The following SLC15A2 variants were observed in gnomAD, a reference collection of about 807,000 sequenced individuals.
SLC15A2 encodes solute carrier family 15 member 2, also known as kidney H(+)/peptide cotransporter.
Under a neutral mutation model 95.5 loss-of-function variants are expected in SLC15A2, and 77 were observed. The observed-to-expected ratio is 0.81, with a 90% CI of 0.67 to 0.97. The LOEUF (loss-of-function observed/expected upper bound fraction) is 0.97. SLC15A2 is among the 50% of genes least tolerant of loss of function. SLC15A2 has a pLI of 0.00. For synonymous variants in SLC15A2, 306 were observed against 306.9 expected (o/e 1.00, Z 0.03); for missense variants, 893 against 874.4 (o/e 1.02, Z -0.27).
At chr3:121,905,510 A>C (rs1709618959) in intron 3 of SLC15A2, among the ~76,000 whole-genome samples, 1 of 152,058 alleles carries the variant, frequency 6.6e-6, no homozygotes, top group African/African-American at 2.4e-5. Flanking sequence ...CCCTCTACAC[A>C]CTGCTTTAAA....
chr3:121,923,414 A>G (rs1710048704), intron 11 of SLC15A2, 148 bp downstream of exon 11: 1 of 713,638 alleles, frequency 1.4e-6, no homozygotes, highest in Non-Finnish European at 2.3e-6. Flanking sequence ...AGGCAAAGAT[A>G]AAGAAAGCTA....
At chr3:121,900,471 A>C (rs1709500037) in intron 3 of SLC15A2, among the ~76,000 whole-genome samples, 1 of 152,152 alleles carries the variant, frequency 6.6e-6, no homozygotes, top group Non-Finnish European at 1.5e-5. Context: ...ATTTTCCTAA[A>C]AGAAATCCTG....
rs1710165061 is a variant in SLC15A2 at position 121,928,453 on chromosome 3, G to A, written c.1239G>A (p.Glu413=). Residue 413 remains glutamate, a synonymous_variant, in exon 15 of 22, where the codon GAG becomes GAA. Coordinates refer to ENST00000489711, the MANE Select transcript of SLC15A2 (RefSeq NM_021082.4). ...CCCCAGCCCAGCCAGGTCCCCAGGA[G>A]GTTTTCCTACAAGTCTTGAATCTGG... ...EMAPAQPGPQ[E]VFLQVLNLAD... The A allele has an allele frequency of 6.2e-7, 1 of 1,614,092 alleles. No individual in the cohort carries two copies. Among genetic ancestry groups the A allele is most frequent in the Non-Finnish European group, 8.5e-7 (1 of 1,179,958 alleles).
chr3:121,939,163 C>T (rs1031352263), intron 19 of SLC15A2, 186 bp from the exon 20 acceptor site: 27 of 407,312 alleles, frequency 6.6e-5, no homozygotes, highest in East Asian at 6.2e-4. Flanking sequence ...TGAATCTAGG[C>T]GAGTGAGCAT....
chr3:121,904,571 T>A (rs1478325226), intron 3 of SLC15A2, among the ~76,000 whole-genome samples: 3 of 152,140 alleles, frequency 2.0e-5, no homozygotes, highest in African/African-American at 7.2e-5. Context: ...GGGCTGTTGA[T>A]TTTTGTCGAA....
chr3:121,915,667 C>T lies in SLC15A2; in HGVS notation c.671C>T (p.Pro224Leu). Residue 224 changes from proline to leucine, a missense_variant, in exon 7 of 22, where the codon CCA becomes CTA. Physicochemically the swap from Pro to Leu is moderately conservative, Grantham distance 98. Coordinates refer to ENST00000489711, the MANE Select transcript of SLC15A2 (RefSeq NM_021082.4). ...TGCTATGCATTGGCTTTTGGAGTTC[C>T]AGGACTGCTCATGGTAATTGCACTT... ...EDCYALAFGV[P>L]GLLMVIALVV... 6.2e-7 allele frequency: 1 copy of T among 1,613,844 alleles called. No individual in the cohort carries two copies. The highest frequency in any genetic ancestry group is 8.5e-7 in the Non-Finnish European group (1 of 1,179,782).
At chr3:121,930,697 A>T (rs1184641215) in intron 17 of SLC15A2, 143 bp from the exon 18 acceptor site, 3 of 589,194 alleles carry the variant, frequency 5.1e-6, no homozygotes, top group Non-Finnish European at 9.2e-6. Context: ...AACAATATAC[A>T]TTAGGTACCT....
chr3:121,897,257 G>C, intron 2 of SLC15A2, 131 bp from the exon 3 acceptor site: 1 of 1,007,228 alleles, frequency 9.9e-7, no homozygotes, highest in Non-Finnish European at 1.5e-6. Context: ...TCTCAGTCAT[G>C]TCACTGATAG....
chr3:121,907,261 T>G (rs1278487311), intron 3 of SLC15A2, among the ~76,000 whole-genome samples: 3 of 152,250 alleles, frequency 2.0e-5, no homozygotes, highest in Admixed American at 6.5e-5. Flanking sequence ...TAATCTTTTT[T>G]CAAGGTTTTT....
chr3:121,911,160 GA>G (rs1576675568), intron 3 of SLC15A2, among the ~76,000 whole-genome samples: 1 of 152,276 alleles, frequency 6.6e-6, no homozygotes, highest in East Asian at 1.9e-4. Context: ...TATTCCTTGA[GA>G]AAAACACCTA....
intron 19 of SLC15A2, 64 bp from the exon 20 acceptor site, chr3:121,939,285 C>G: frequency 8.0e-7 from 1 of 1,247,182 alleles, no homozygotes; most frequent in Non-Finnish European, 1.1e-6. Context: ...TCGTAGAATG[C>G]TGTAGTTAGA....
intron 19 of SLC15A2, among the ~76,000 whole-genome samples, chr3:121,934,400 G>C (rs1201045735): frequency 1.3e-5 from 2 of 152,070 alleles, no homozygotes; most frequent in Non-Finnish European, 2.9e-5. Flanking sequence ...CATGAGCATG[G>C]AATGTTCTTC....
At chr3:121,905,347 C>A (rs188931128) in intron 3 of SLC15A2, among the ~76,000 whole-genome samples, 1 of 152,122 alleles carries the variant, frequency 6.6e-6, no homozygotes, top group African/African-American at 2.4e-5. Context: ...TCTCTATCTC[C>A]TTCAGTTCTG....
Position 121,940,495 on chromosome 3 carries a change from A to G in SLC15A2, c.2013+7A>G, listed in dbSNP as rs1710440216. ...GTTCAGTGGCCTGGTACAGGTATGG[A>G]TCTGAGGGAAGCAGGATTCATTTCT... On this transcript the variant is annotated splice_region_variant and intron_variant, in intron 21 of 21. Coordinates refer to ENST00000489711, the MANE Select transcript of SLC15A2 (RefSeq NM_021082.4). 7 of 1,602,022 alleles carry G rather than the reference A, an allele frequency of 4.4e-6. No homozygotes were observed. The highest frequency in any genetic ancestry group is 5.1e-6 in the Non-Finnish European group (6 of 1,169,390).
At chr3:121,903,159 A>G (rs959563872) in intron 3 of SLC15A2, among the ~76,000 whole-genome samples, 34 of 152,122 alleles carry the variant, frequency 2.2e-4, no homozygotes, top group African/African-American at 7.5e-4. Flanking sequence ...CTTCTTTTGA[A>G]AAGTGTCTGT....
intron 2 of SLC15A2, among the ~76,000 whole-genome samples, chr3:121,897,142 G>T (rs905068954): frequency 6.6e-6 from 1 of 151,518 alleles, no homozygotes; most frequent in South Asian, 2.1e-4. Context: ...GATGCTAGGG[G>T]TGCACATAGA....
At position 121,939,373 on chromosome 3, in the gene SLC15A2, T is replaced by C. The variant is rs868029766; in HGVS notation, c.1786T>C (p.Trp596Arg). 6.4e-7 allele frequency: 1 copy of C among 1,564,246 alleles called. No homozygotes were observed. ...GAACACCAATCAGGGTCTTCAGGCCTGGAAGATTGAAGACATTCCAGCCAA... is the reference window on the plus strand; with the variant it reads ...GAACACCAATCAGGGTCTTCAGGCCCGGAAGATTGAAGACATTCCAGCCAA... ...TNNTNQGLQA[W>R]KIEDIPANKM... is the part of the protein sequence containing the mutation. The change falls in exon 20 of 22, where the codon TGG becomes CGG. Residue 596 changes from tryptophan (W) to arginine (R), a missense_variant. By Grantham distance (101) the Trp-to-Arg change is moderately radical. Transcript: ENST00000489711.
intron 17 of SLC15A2, 54 bp downstream of exon 17, chr3:121,929,402 C>A: frequency 1.9e-6 from 3 of 1,561,632 alleles, no homozygotes; most frequent in Non-Finnish European, 2.6e-6. Flanking sequence ...TCTTGGATCT[C>A]TTCTAATCTT....
intron 3 of SLC15A2, among the ~76,000 whole-genome samples, chr3:121,907,614 C>T (rs929584042): frequency 6.6e-6 from 1 of 152,210 alleles, no homozygotes; most frequent in African/African-American, 2.4e-5. Flanking sequence ...TCAGGTCCCT[C>T]AGCTGCGGGT....
Sources: gnomAD v4.1 joint callset for allele counts (sites outside exome capture counted in the v4.1 genomes callset) on GRCh38, gnomAD v4.1.1 for gene constraint, MANE v1.5 for transcripts, NCBI Gene and HGNC (gene_info 2026-07-23, HGNC 2026-07-21) for gene names.